Variants in PLA2G4B observed in about 807,000 individuals in gnomAD.
PLA2G4B encodes the protein cytosolic phospholipase A2 beta.
PLA2G4B carries 122 observed loss-of-function variants against 95.8 expected under a neutral mutation model. The ratio of observed to expected loss-of-function variants is 1.27; its 90% CI spans 1.10 to 1.48. The LOEUF is 1.48. Among genes scored for constraint, PLA2G4B ranks in the 40% most tolerant of loss-of-function variants. The pLI is 0.00. For synonymous variants in PLA2G4B, 518 were observed against 421.5 expected, an observed-to-expected ratio of 1.23 and a Z score of -2.80; for missense variants, 1,158 against 996.2, an observed-to-expected ratio of 1.16 and a Z score of -2.19.
Position 41,844,993 on chromosome 15 carries a change from G to C in PLA2G4B, c.1162G>C (p.Glu388Gln). The change falls in exon 13 of 20, where the codon GAG becomes CAG. Residue 388 changes from glutamate to glutamine, a missense_variant. Transcript: ENST00000458483. Reference sequence around the variant, plus strand: ...GCAGCGGTACCGGCAGGAGCTGGCCGAGCGTGCCCGCTTGGGCTACCCAAG... The same window carrying C: ...GCAGCGGTACCGGCAGGAGCTGGCCCAGCGTGCCCGCTTGGGCTACCCAAG... ...QLQRYRQELA[E>Q]RARLGYPSCF... 2 of 1,607,588 alleles carry C rather than the reference G, an allele frequency of 1.2e-6. No homozygotes were observed. Among genetic ancestry groups the C allele is most frequent in the Non-Finnish European group, 1.7e-6 (2 of 1,177,334 alleles).
chr15:41,840,568 T>C lies in PLA2G4B; in HGVS notation c.127T>C (p.Cys43Arg). ...CGTGACTCTCTGGCTGCCCACGGCC[T>C]GCAGCCACAGGCTCCAGACACGCAC... is the stretch of plus-strand genomic sequence containing the variant. ...CYVTLWLPTA[C>R]SHRLQTRTVK... The change falls in exon 3 of 20, where the codon TGC (cysteine) becomes CGC (arginine). Residue 43 changes from cysteine to arginine, a missense_variant. Transcript: ENST00000458483. The C allele has an allele frequency of 6.2e-7, 1 of 1,613,916 alleles. No homozygotes were observed. The highest frequency in any genetic ancestry group is 8.5e-7 in the Non-Finnish European group (1 of 1,180,022).
In PLA2G4B at chr15:41,840,177, G is replaced by A. The variant is rs1356780772; in HGVS notation, c.29G>A (p.Cys10Tyr). The A allele has an allele frequency of 1.9e-6, 3 of 1,613,270 alleles. No individual in the cohort carries two copies. Among genetic ancestry groups the A allele is most frequent in the Non-Finnish European group, 1.7e-6 (2 of 1,180,006 alleles). The change falls in exon 2 of 20, where the codon TGC becomes TAC. Residue 10 changes from cysteine (C) to tyrosine (Y), a missense_variant. By Grantham distance (194) the Cys-to-Tyr change is radical. Coordinates refer to ENST00000458483, the MANE Select transcript of PLA2G4B (RefSeq NM_001114633.2). ...CTGCAGGCAGAGGTGTCCAGGACCT[G>A]CCTGCTCACGGTTCGTGTCCTGCAG... MAVAEVSRT[C>Y]LLTVRVLQAH...
chr15:41,846,852 A>G lies in PLA2G4B; in HGVS notation c.1947+17A>G. 6.3e-7 allele frequency: 1 copy of G among 1,595,252 alleles called. No individual in the cohort carries two copies. Among genetic ancestry groups the G allele is most frequent in the Admixed American group, 1.7e-5 (1 of 59,414 alleles). ...GCCTTCCAGGTTGGGAAGGGTGGGC[A>G]GCCCACCAGGGAGGCGGTGGGTGGC... On this transcript the variant is annotated intron_variant, in intron 18 of 19. Transcript: ENST00000458483.
At chr15:41,840,707 C>G in intron 3 of PLA2G4B, 47 bp downstream of exon 3, 2 of 1,606,148 alleles carry the variant, frequency 1.2e-6, no homozygotes, top group Non-Finnish European at 1.7e-6. Flanking sequence ...TCGCCAGCCA[C>G]TGCCGCTGCC....
chr15:41,838,904 A>T lies in PLA2G4B; in HGVS notation c.-10A>T. 1.3e-6 allele frequency: 2 copies of T among 1,595,630 alleles called. No individual in the cohort carries two copies. The highest frequency in any genetic ancestry group is 1.7e-6 in the Non-Finnish European group (2 of 1,170,302). On this transcript the variant is annotated 5_prime_UTR_variant, in exon 1 of 20. Transcript: ENST00000458483. ...TGCCCCATCATTCCTGCTCCTGAGG[A>T]CTCAGTCTCATGGCTGTGGTAAGGC...
chr15:41,839,820 T>G, intron 1 of PLA2G4B: 9 of 271,948 alleles, frequency 3.3e-5, no homozygotes, highest in Non-Finnish European at 4.2e-5. Flanking sequence ...CCAACCCCAA[T>G]TGTGGACCTC....
chr15:41,845,354 G>T, intron 14 of PLA2G4B, 34 bp downstream of exon 14: 1 of 1,605,390 alleles, frequency 6.2e-7, no homozygotes. Flanking sequence ...CTGTGCCCTT[G>T]CAGTTGGTGG....
Position 41,847,962 on chromosome 15 carries a change from T to G in PLA2G4B, c.*102T>G. 1 of 1,456,304 alleles carries G rather than the reference T, an allele frequency of 6.9e-7. No homozygotes were observed. Among genetic ancestry groups the G allele is most frequent in the Admixed American group, 2.1e-5 (1 of 48,236 alleles). The allele number at this position is 1,456,304 out of a possible 1,614,324, so 90.2% of individuals were successfully genotyped here. A position where few individuals can be genotyped will look rare whatever the true frequency, so the allele number is the denominator to read the frequency against. On this transcript the variant is annotated 3_prime_UTR_variant, in exon 20 of 20. Coordinates refer to ENST00000458483, the MANE Select transcript of PLA2G4B (RefSeq NM_001114633.2). Reference sequence around the variant, plus strand: ...AGTGCTTCAGAGCCTCGGGCTCAGGTGGCACGGTCCCAGGGTCCAGGCTGA... The same window carrying G: ...AGTGCTTCAGAGCCTCGGGCTCAGGGGGCACGGTCCCAGGGTCCAGGCTGA...
chr15:41,847,807 C>CT lies in PLA2G4B; in HGVS notation c.2294dup (p.Glu766GlyfsTer34), dbSNP rs1257039062. ...TGTCTGCAACAACCAGGAGCAGCTGCTGGAGGCTCTGCGCCAGGCAGTGCA... is the reference window on the plus strand; with the variant it reads ...TGTCTGCAACAACCAGGAGCAGCTGCTTGGAGGCTCTGCGCCAGGCAGTGCA... On this transcript the variant is annotated frameshift_variant, in exon 20 of 20. Coordinates refer to ENST00000458483, the MANE Select transcript of PLA2G4B (RefSeq NM_001114633.2). LOFTEE classifies it low-confidence loss of function (END_TRUNC). 1 of 1,613,318 alleles carries CT rather than the reference C, an allele frequency of 6.2e-7. No individual in the cohort carries two copies. Among genetic ancestry groups the CT allele is most frequent in the Admixed American group, 1.7e-5 (1 of 60,026 alleles).
chr15:41,847,888 C>CT lies in PLA2G4B; in HGVS notation c.*29dup. The CT allele has an allele frequency of 6.2e-7, 1 of 1,602,068 alleles. No homozygotes were observed. Among genetic ancestry groups the CT allele is most frequent in the Non-Finnish European group, 8.5e-7 (1 of 1,175,102 alleles). On this transcript the variant is annotated 3_prime_UTR_variant, in exon 20 of 20. Transcript: ENST00000458483. The stretch of plus-strand genomic sequence containing the variant: ...GCCGGGGCCCCTGCCACCCCTAACT[C>CT]TCATTCATTCCCTGGCTGCTGAGTT...
intron 7 of PLA2G4B, 68 bp from the exon 8 acceptor site, chr15:41,841,751 C>T (rs1450757622): frequency 6.3e-6 from 10 of 1,589,044 alleles, no homozygotes; most frequent in African/African-American, 2.7e-5. Flanking sequence ...CTCCAGGCCA[C>T]GCAGCAAGAT....
chr15:41,842,373 A>T, intron 9 of PLA2G4B, 97 bp downstream of exon 9: 1 of 1,567,570 alleles, frequency 6.4e-7, no homozygotes, highest in East Asian at 2.3e-5. Context: ...CGTGGGTCAC[A>T]CCCTGAGCAG....
rs972926802 is a variant in PLA2G4B at position 41,840,879 on chromosome 15, C to A, written c.325C>A (p.Arg109Ser). The A allele has an allele frequency of 2.5e-6, 4 of 1,613,676 alleles. No individual in the cohort carries two copies. The highest frequency in any genetic ancestry group is 2.2e-5 in the South Asian group (2 of 91,076). Residue 109 changes from arginine to serine, a missense_variant, in exon 4 of 20, where the codon CGC (arginine) becomes AGC (serine). Physicochemically the swap from Arg to Ser is moderately radical, Grantham distance 110 (BLOSUM62 -1). Coordinates refer to ENST00000458483, the MANE Select transcript of PLA2G4B (RefSeq NM_001114633.2). The part of the protein sequence containing the change: ...AGTLRAGEFR[R>S]ESFSLSPQGE... ...GACTCTGCGGGCTGGGGAGTTCCGG[C>A]GCGAGAGCTTCTCACTGAGCCCTCA...
At chr15:41,841,330 A>C in intron 6 of PLA2G4B, 57 bp downstream of exon 6, 1 of 1,611,238 alleles carries the variant, frequency 6.2e-7, no homozygotes, top group Non-Finnish European at 8.5e-7. Flanking sequence ...CCCTCATGCC[A>C]GCGACTTGAG....
chr15:41,845,716 A>C lies in PLA2G4B; in HGVS notation c.1436A>C (p.Glu479Ala), dbSNP rs954517920. 3.8e-5 allele frequency: 61 copies of C among 1,612,892 alleles called. No homozygotes were observed. Among genetic ancestry groups the C allele is most frequent in the Non-Finnish European group, 4.8e-5 (57 of 1,179,616 alleles). The change falls in exon 15 of 20, where the codon GAG becomes GCG. Residue 479 changes from glutamate (E) to alanine (A), a missense_variant. By Grantham distance (107) the Glu-to-Ala change is moderately radical (BLOSUM62 -1). Coordinates refer to ENST00000458483, the MANE Select transcript of PLA2G4B (RefSeq NM_001114633.2). Reference sequence around the variant, plus strand: ...ATCCCCTCTGAGCTCTTTGGCTCCGAGTTCTTTATGGGGCAGCTGATGAAG... The same window carrying C: ...ATCCCCTCTGAGCTCTTTGGCTCCGCGTTCTTTATGGGGCAGCTGATGAAG... ...AFIPSELFGS[E>A]FFMGQLMKRL...
chr15:41,845,681 CG>C lies in PLA2G4B; in HGVS notation c.1405del (p.Ala469ProfsTer17). The stretch of plus-strand genomic sequence containing the variant: ...CCTACGAGGTCGGCTTCCCCAAGTA[CG>C]GGGCCTTCATCCCCTCTGAGCTCTT... Reference protein sequence around the residue: ...SPYEVGFPKYGAFIPSELFGS... With the variant: ...SPYEVGFPKYXAFIPSELFGS... On this transcript the variant is annotated frameshift_variant, in exon 15 of 20. Coordinates refer to ENST00000458483, the MANE Select transcript of PLA2G4B (RefSeq NM_001114633.2). LOFTEE classifies it high-confidence loss of function. The C allele has an allele frequency of 6.2e-7, 1 of 1,614,140 alleles. No homozygotes were observed. Among genetic ancestry groups the C allele is most frequent in the Non-Finnish European group, 8.5e-7 (1 of 1,179,994 alleles).
rs577556615 is a variant in PLA2G4B at position 41,845,848 on chromosome 15, G to A, written c.1495+73G>A. 64 of 1,528,718 alleles carry A rather than the reference G, an allele frequency of 4.2e-5. 1 individual carries two copies. The Admixed American group carries it at 8.9e-4, about 21-fold the overall frequency. 94.7% of individuals were successfully genotyped at this position (1,528,718 alleles called of 1,614,324 possible). A position where few individuals can be genotyped will look rare whatever the true frequency, so the allele number is the denominator to read the frequency against. ...GGGTCCTGGGTGAGAGGGCAGCCTC[G>A]GTCAGAAGAGTTTCCTGGGCCAGGA... On this transcript the variant is annotated intron_variant, in intron 15 of 19. Transcript: ENST00000458483.
intron 8 of PLA2G4B, 42 bp downstream of exon 8, chr15:41,841,991 C>T (rs755105200): frequency 1.3e-6 from 2 of 1,590,034 alleles, no homozygotes; most frequent in Non-Finnish European, 1.7e-6. Context: ...CCCAGAACTT[C>T]CTCCCTCCCT....
At position 41,844,979 on chromosome 15, in the gene PLA2G4B, G is replaced by A. The variant is rs555628305; in HGVS notation, c.1148G>A (p.Arg383Gln). The stretch of plus-strand genomic sequence containing the variant: ...GCCCCCAGCCAGCTGCAGCGGTACC[G>A]GCAGGAGCTGGCCGAGCGTGCCCGC... ...VLAPSQLQRY[R>Q]QELAERARLG... is the part of the protein sequence containing the mutation. The change falls in exon 13 of 20, where the codon CGG becomes CAG. Residue 383 changes from arginine to glutamine, a missense_variant. By Grantham distance (43) the Arg-to-Gln change is conservative. Transcript: ENST00000458483. 115 of 1,610,060 alleles carry A rather than the reference G, an allele frequency of 7.1e-5. No homozygotes were observed. Among genetic ancestry groups the A allele is most frequent in the South Asian group, 2.0e-4 (18 of 90,408 alleles).
Sources: gnomAD v4.1 joint callset for allele counts on GRCh38, gnomAD v4.1.1 for gene constraint, MANE v1.5 for transcripts, NCBI Gene and HGNC (gene_info 2026-07-23, HGNC 2026-07-21) for gene names.